Variants in HEPH observed in about 807,000 individuals in gnomAD.
HEPH encodes the protein hephaestin.
Under a neutral mutation model 80.8 loss-of-function variants are expected in HEPH, and 69 were observed. The ratio of observed to expected loss-of-function variants is 0.85; its 90% confidence interval spans 0.70 to 1.04. The LOEUF is 1.04. Among genes scored for constraint, HEPH ranks in the 50% least tolerant of loss-of-function variants. HEPH has a pLI of 0.00. For missense variants in HEPH, 1,115 were observed against 891.3 expected (o/e 1.25, Z -3.20); for synonymous variants, 431 against 322.8 (o/e 1.34, Z -3.60).
chrX:66,258,358 G>A (rs1400210029), intron 17 of HEPH, among the ~76,000 whole-genome samples: 2 of 111,393 alleles, frequency 1.8e-5, no homozygotes, highest in East Asian at 2.8e-4. Context: ...GATTTGACTG[G>A]ACTTTAAAAA....
chrX:66,268,815 A>T (rs2091590966), downstream of HEPH: 1 of 111,967 alleles, frequency 8.9e-6, no homozygotes. Context: ...CAATCAAGTG[A>T]CATTGCCATC....
intron 15 of HEPH, among the ~76,000 whole-genome samples, chrX:66,210,236 A>C (rs1014369617): frequency 8.9e-6 from 1 of 112,316 alleles, no homozygotes. Flanking sequence ...GAGTTCAAAT[A>C]AAATAAGAGC....
In HEPH at chrX:66,170,656, A is replaced by C. The variant is rs181576627; in HGVS notation, c.86A>C (p.Tyr29Ser). Residue 29 changes from tyrosine to serine, a missense_variant, in exon 2 of 21, where the codon TAC (tyrosine) becomes TCC (serine). Coordinates refer to ENST00000343002, the MANE Select transcript of HEPH (RefSeq NM_001367233.3). Reference sequence around the variant, plus strand: ...ACTGATGGAGCCACTCGAGTCTACTACCTGGGCATCCGGGATGTGCAGTGG... The same window carrying C: ...ACTGATGGAGCCACTCGAGTCTACTCCCTGGGCATCCGGGATGTGCAGTGG... Reference protein sequence around the residue: ...QLTDGATRVYYLGIRDVQWNY... With the variant: ...QLTDGATRVYSLGIRDVQWNY... The C allele has an allele frequency of 8.3e-7, 1 of 1,208,780 alleles. No homozygotes were observed. Among genetic ancestry groups the C allele is most frequent in the East Asian group, 3.0e-5 (1 of 33,763 alleles).
intron 15 of HEPH, among the ~76,000 whole-genome samples, chrX:66,250,860 A>G (rs188051184): frequency 2.7e-4 from 30 of 111,775 alleles, no homozygotes; most frequent in African/African-American, 9.4e-4. Context: ...GCTCTTGTTA[A>G]TAAAATTACT....
chrX:66,206,470 C>T (rs1360709237), intron 13 of HEPH, among the ~76,000 whole-genome samples: 1 of 96,723 alleles, frequency 1.0e-5, no homozygotes, highest in Non-Finnish European at 2.0e-5. Context: ...TCAAGTGATT[C>T]TTGTGCCTCA....
intron 15 of HEPH, among the ~76,000 whole-genome samples, chrX:66,245,660 A>G (rs925866085): frequency 9.0e-6 from 1 of 111,524 alleles, no homozygotes; most frequent in Non-Finnish European, 1.9e-5. Flanking sequence ...TCTCCACTCC[A>G]AATCAAAAGA....
At chrX:66,258,795 G>T in intron 17 of HEPH, 45 bp from the exon 18 acceptor site, 1 of 1,047,726 alleles carries the variant, frequency 9.5e-7, no homozygotes, top group Non-Finnish European at 1.3e-6. Context: ...AGAGATGTAA[G>T]AAGCTTTTTC....
chrX:66,178,199 G>T (rs917122301), intron 4 of HEPH, among the ~76,000 whole-genome samples: 15 of 111,352 alleles, frequency 1.3e-4, no homozygotes, highest in East Asian at 5.7e-4. Context: ...GCAGTGTTTG[G>T]TTTTTTGTCC....
At chrX:66,175,950 T>C (rs1444209196) in intron 4 of HEPH, among the ~76,000 whole-genome samples, 1 of 111,599 alleles carries the variant, frequency 9.0e-6, no homozygotes, top group Non-Finnish European at 1.9e-5. Flanking sequence ...AACTATCATA[T>C]TGTCAGCAAA....
intron 15 of HEPH, among the ~76,000 whole-genome samples, chrX:66,251,898 A>C (rs997150752): frequency 8.9e-6 from 1 of 112,053 alleles, no homozygotes; most frequent in South Asian, 3.7e-4. Flanking sequence ...TTTTGTTTAG[A>C]TTTACTCACA....
At chrX:66,187,469 T>A (rs1444515088) in intron 4 of HEPH, among the ~76,000 whole-genome samples, 1 of 111,597 alleles carries the variant, frequency 9.0e-6, no homozygotes, top group East Asian at 2.8e-4. Context: ...CCCTCCTTTT[T>A]TATGGATGTG....
chrX:66,178,896 G>T (rs1217729743), intron 4 of HEPH, among the ~76,000 whole-genome samples: 1 of 111,667 alleles, frequency 9.0e-6, no homozygotes, highest in Admixed American at 9.5e-5. Flanking sequence ...TCTGTAGGTT[G>T]CATGTTCACT....
chrX:66,195,942 A>G (rs2088068014), intron 9 of HEPH, among the ~76,000 whole-genome samples: 1 of 111,917 alleles, frequency 8.9e-6, no homozygotes, highest in South Asian at 3.7e-4. Flanking sequence ...GAAAAACTGA[A>G]AGCATAAAGA....
chrX:66,166,393 C>T (rs2086367658), intron 1 of HEPH, among the ~76,000 whole-genome samples: 1 of 110,789 alleles, frequency 9.0e-6, no homozygotes, highest in Admixed American at 9.6e-5. Context: ...TAGGGTTTCT[C>T]CATATTGGTC....
rs1457910273 is a variant in HEPH, at chrX:66,197,900, G to T, written c.1713+6G>T. On this transcript the variant is annotated splice_donor_region_variant and intron_variant, in intron 10 of 20. Transcript: ENST00000343002. ...TGGGTGCAGATGGCAAGCAGGTATT[G>T]TCAGGGTTATCTGGCTGGAAAGCCT... 3 of 1,185,022 alleles carry T rather than the reference G, an allele frequency of 2.5e-6. No homozygotes were observed. The highest frequency in any genetic ancestry group is 3.4e-6 in the Non-Finnish European group (3 of 880,699).
intron 15 of HEPH, among the ~76,000 whole-genome samples, chrX:66,242,862 A>G (rs1047010883): frequency 9.0e-6 from 1 of 111,706 alleles, no homozygotes; most frequent in Non-Finnish European, 1.9e-5. Context: ...TCAAAAACCA[A>G]CAAATGCCAA....
chrX:66,240,439 T>C (rs1436211243), intron 15 of HEPH, among the ~76,000 whole-genome samples: 8 of 109,190 alleles, frequency 7.3e-5, no homozygotes, highest in Non-Finnish European at 1.5e-4. Context: ...TCAAATAAAA[T>C]GGCTGATAAT....
chrX:66,258,271 C>G (rs920757444), intron 17 of HEPH, among the ~76,000 whole-genome samples: 3 of 111,585 alleles, frequency 2.7e-5, no homozygotes, highest in Non-Finnish European at 5.6e-5. Context: ...GAGGAGTTCA[C>G]AGGTGGAAGG....
chrX:66,200,241 GGTGTGTGTGTGTGTGT>G (rs57136656), intron 11 of HEPH, among the ~76,000 whole-genome samples: 9 of 91,231 alleles, frequency 9.9e-5, no homozygotes, highest in Admixed American at 9.2e-4. Flanking sequence ...AGGAGAGATT[GGTGTGTGTGTGTGTGT>G]GTGTGTGTGT....
Sources: allele counts gnomAD v4.1 joint callset (sites outside exome capture counted in the v4.1 genomes callset), GRCh38; gene constraint gnomAD v4.1.1; transcripts MANE v1.5; gene names NCBI Gene and HGNC (gene_info 2026-07-23, HGNC 2026-07-21).